Variants in FILIP1L observed in about 807,000 individuals in gnomAD.
FILIP1L encodes filamin A-interacting protein 1-like.
Under a neutral mutation model 96.6 loss-of-function variants are expected in FILIP1L, and 55 were observed. That is an observed-to-expected ratio of 0.57 (90% CI 0.46 to 0.71). FILIP1L has a LOEUF of 0.71. Among genes scored for constraint, FILIP1L ranks in the 30% least tolerant of loss-of-function variants. The pLI, the probability that FILIP1L is intolerant of heterozygous loss-of-function variation, is 0.00. For missense variants in FILIP1L, 1,304 were observed against 1,321.2 expected (o/e 0.99, Z 0.20); for synonymous variants, 467 against 473.9 (o/e 0.99, Z 0.19).
chr3:100,025,148 A>G (rs2064895546), intron 1 of FILIP1L, among the ~76,000 whole-genome samples: 1 of 152,182 alleles, frequency 6.6e-6, no homozygotes, highest in Admixed American at 6.5e-5. Flanking sequence ...GTCAATGACC[A>G]TACTTAGCTA....
intron 4 of FILIP1L, among the ~76,000 whole-genome samples, chr3:99,859,267 GTCAGT>G (rs747853419): frequency 6.6e-6 from 1 of 152,186 alleles, no homozygotes; most frequent in African/African-American, 2.4e-5. Context: ...CTTGCTATTT[GTCAGT>G]TCTTTTTTCC....
At chr3:99,945,267 A>T (rs1232585727) in intron 1 of FILIP1L, among the ~76,000 whole-genome samples, 1 of 152,114 alleles carries the variant, frequency 6.6e-6, no homozygotes, top group African/African-American at 2.4e-5. Flanking sequence ...ACTCATCGCT[A>T]CGAAGGAGTG....
At chr3:99,979,291 TTC>T (rs1297845800) in intron 1 of FILIP1L, among the ~76,000 whole-genome samples, 2 of 152,220 alleles carry the variant, frequency 1.3e-5, no homozygotes, top group East Asian at 3.9e-4. Flanking sequence ...TTTTATTATG[TTC>T]TCTCTTTATG....
At chr3:99,946,825 A>G (rs1462581282) in intron 1 of FILIP1L, among the ~76,000 whole-genome samples, 2 of 152,156 alleles carry the variant, frequency 1.3e-5, no homozygotes, top group African/African-American at 2.4e-5. Flanking sequence ...TGCTGGCTCT[A>G]TACTACAAAG....
chr3:100,076,343 T>C (rs1390131392), intron 1 of FILIP1L, among the ~76,000 whole-genome samples: 3 of 152,218 alleles, frequency 2.0e-5, no homozygotes, highest in African/African-American at 7.2e-5. Context: ...AAAGCCAAAG[T>C]CCAGGTGCTT....
At chr3:100,084,762 A>G (rs905347627) in intron 1 of FILIP1L, among the ~76,000 whole-genome samples, 4 of 152,224 alleles carry the variant, frequency 2.6e-5, no homozygotes, top group African/African-American at 9.6e-5. Context: ...ATATTTATAA[A>G]TCAAATCATA....
intron 1 of FILIP1L, among the ~76,000 whole-genome samples, chr3:100,013,495 C>T (rs1222173960): frequency 6.7e-6 from 1 of 148,472 alleles, no homozygotes; most frequent in Non-Finnish European, 1.5e-5. Flanking sequence ...CCATCCACCT[C>T]GGCCTCCCAA....
chr3:100,109,657 C>G (rs1405348908), intron 1 of FILIP1L, among the ~76,000 whole-genome samples: 1 of 152,046 alleles, frequency 6.6e-6, no homozygotes, highest in Non-Finnish European at 1.5e-5. Flanking sequence ...TTGTGTGTTT[C>G]ATTGGTATTG....
intron 1 of FILIP1L, among the ~76,000 whole-genome samples, chr3:100,043,431 G>C (rs952190361): frequency 1.3e-5 from 2 of 152,030 alleles, no homozygotes; most frequent in African/African-American, 2.4e-5. Flanking sequence ...AGTCTCTAAG[G>C]TCTCTTTTCC....
At position 99,829,298 on chromosome 3, in the gene FILIP1L, G is replaced by C. The variant is rs1312989730; in HGVS notation, c.*1116C>G. ...CTGCCTTTTGTGTCAAACATGCCTT[G>C]TCTTAAAATGTCCTGTATTACTCTG... On this transcript the variant is annotated 3_prime_UTR_variant, in exon 6 of 6. Transcript: ENST00000477258. Among the ~76,000 whole-genome samples the C allele has an allele frequency of 6.6e-6, 1 of 152,092 alleles. No individual in the cohort carries two copies. The highest frequency in any genetic ancestry group is 1.5e-5 in the Non-Finnish European group (1 of 68,012).
chr3:99,850,507 A>G lies in FILIP1L; in HGVS notation c.1169T>C (p.Ile390Thr). 6.2e-7 allele frequency: 1 copy of G among 1,612,994 alleles called. No homozygotes were observed. Among genetic ancestry groups the G allele is most frequent in the Non-Finnish European group, 8.5e-7 (1 of 1,179,838 alleles). ...ATCTCTGCACTGCTCCTCCATTTTT[A>G]TGAGCTCTTCATCTTTCCCTTCCAT... ...LDMEGKDEELIKMEEQCRDLN... is the reference protein window; with the variant it reads ...LDMEGKDEELTKMEEQCRDLN... The change falls in exon 5 of 6, where the codon ATA (isoleucine) becomes ACA (threonine). Residue 390 changes from isoleucine (I) to threonine (T), a missense_variant. By Grantham distance (89) the Ile-to-Thr change is moderately conservative (BLOSUM62 -1). Transcript: ENST00000477258.
chr3:99,905,223 A>G (rs1326336741), intron 4 of FILIP1L, among the ~76,000 whole-genome samples: 3 of 152,190 alleles, frequency 2.0e-5, no homozygotes, highest in African/African-American at 2.4e-5. Flanking sequence ...TGGGACTATC[A>G]TCTACTACTG....
At chr3:99,893,000 A>G (rs1442643976) in intron 4 of FILIP1L, among the ~76,000 whole-genome samples, 1 of 152,158 alleles carries the variant, frequency 6.6e-6, no homozygotes, top group Admixed American at 6.5e-5. Context: ...AGTGATCAGG[A>G]CAGTGACTGG....
intron 4 of FILIP1L, among the ~76,000 whole-genome samples, chr3:99,908,386 A>C (rs1306472837): frequency 6.6e-6 from 1 of 152,218 alleles, no homozygotes; most frequent in African/African-American, 2.4e-5. Context: ...GAACATTTGA[A>C]CCATATTTGA....
intron 4 of FILIP1L, among the ~76,000 whole-genome samples, chr3:99,856,711 A>G (rs1438540899): frequency 6.6e-6 from 1 of 152,176 alleles, no homozygotes; most frequent in African/African-American, 2.4e-5. Flanking sequence ...TTTGGTACTA[A>G]CCATAATTCT....
At chr3:99,929,831 T>C in intron 3 of FILIP1L, 25 bp downstream of exon 3, 1 of 1,572,594 alleles carries the variant, frequency 6.4e-7, no homozygotes, top group Non-Finnish European at 8.6e-7. Context: ...GCCTCCCAGG[T>C]ACACACCCCT....
At chr3:100,075,021 T>A (rs1348712730) in intron 1 of FILIP1L, among the ~76,000 whole-genome samples, 1 of 152,088 alleles carries the variant, frequency 6.6e-6, no homozygotes, top group African/African-American at 2.4e-5. Flanking sequence ...AATGATTTTT[T>A]ATAAACCTTT....
intron 1 of FILIP1L, among the ~76,000 whole-genome samples, chr3:100,057,980 G>A (rs1361668990): frequency 5.3e-5 from 8 of 152,210 alleles, no homozygotes; most frequent in Non-Finnish European, 7.3e-5. Flanking sequence ...CTAGTTATTA[G>A]AGGCTGACTC....
At chr3:99,832,996 A>G (rs1942747709) in intron 5 of FILIP1L, 2 of 499,338 alleles carry the variant, frequency 4.0e-6, no homozygotes, top group Non-Finnish European at 7.0e-6. Context: ...GTTTTGTCCA[A>G]ATTTGGAATG....
Sources: allele counts gnomAD v4.1 joint callset (sites outside exome capture counted in the v4.1 genomes callset), GRCh38; gene constraint gnomAD v4.1.1; transcripts MANE v1.5; gene names NCBI Gene and HGNC (gene_info 2026-07-23, HGNC 2026-07-21).